The following CHRNA7 variants were observed in gnomAD, a reference collection of about 807,000 sequenced individuals.
The protein encoded by CHRNA7 is cholinergic receptor nicotinic alpha 7 subunit.
In CHRNA7, 17 loss-of-function variants were observed where a neutral mutation model predicts 48.0. That is an observed-to-expected ratio of 0.35 (90% CI 0.24 to 0.53). CHRNA7 has a LOEUF of 0.53. CHRNA7 is among the 20% of genes least tolerant of loss of function. The pLI is 0.92. For missense variants in CHRNA7, 155 were observed against 577.7 expected (o/e 0.27, Z 7.50); for synonymous variants, 75 against 242.3 (o/e 0.31, Z 6.41).
chr15:32,141,702 T>C (rs1488280792), intron 4 of CHRNA7, among the ~76,000 whole-genome samples: 2 of 152,164 alleles, frequency 1.3e-5, no homozygotes, highest in Non-Finnish European at 2.9e-5. Flanking sequence ...TGGGAGTTCA[T>C]TCATGATTTG....
intron 4 of CHRNA7, among the ~76,000 whole-genome samples, chr15:32,142,013 T>C (rs2051389315): frequency 6.6e-6 from 1 of 152,200 alleles, no homozygotes; most frequent in Non-Finnish European, 1.5e-5. Flanking sequence ...TCAAAGGGAA[T>C]GATTCCAGTT....
intron 2 of CHRNA7, among the ~76,000 whole-genome samples, chr15:32,067,125 G>A (rs1304775843): frequency 6.6e-6 from 1 of 152,172 alleles, no homozygotes; most frequent in Non-Finnish European, 1.5e-5. Context: ...AAGCCAAAGG[G>A]AGTAAAAGCT....
At chr15:32,079,602 C>T (rs1395197066) in intron 2 of CHRNA7, among the ~76,000 whole-genome samples, 6 of 152,048 alleles carry the variant, frequency 3.9e-5, no homozygotes. Context: ...AGTGAAGGAC[C>T]TCTTCAAGGA....
intron 4 of CHRNA7, among the ~76,000 whole-genome samples, chr15:32,148,649 C>T (rs111607411): frequency 8.4e-4 from 128 of 152,332 alleles, no homozygotes; most frequent in African/African-American, 2.7e-3. Context: ...CTGCCATTGA[C>T]GTCTGAAAGC....
intron 2 of CHRNA7, among the ~76,000 whole-genome samples, chr15:32,071,652 T>G (rs2141219248): frequency 6.6e-6 from 1 of 152,236 alleles, no homozygotes; most frequent in African/African-American, 2.4e-5. Context: ...AAGAGCTGGT[T>G]GTTCAAAAGA....
chr15:32,112,770 A>G (rs933763481), intron 4 of CHRNA7, among the ~76,000 whole-genome samples: 4 of 152,218 alleles, frequency 2.6e-5, no homozygotes, highest in African/African-American at 9.7e-5. Flanking sequence ...CTGGACAAGC[A>G]ATGTGTTGTC....
rs202232041 is a variant in CHRNA7 at position 32,031,035 on chromosome 15, G to C, written c.193G>C (p.Val65Leu). ...FSLSLLQIMDVDEKNQVLTTN... is the reference protein window; with the variant it reads ...FSLSLLQIMDLDEKNQVLTTN... ...CCTGAGCCTCCTGCAGATCATGGAC[G>C]TGGTGAGTCCCGCCTGGCTACAGGG... The change falls in exon 2 of 10, where the codon GTG (valine) becomes CTG (leucine). Residue 65 changes from valine to leucine, a missense_variant and splice_region_variant. Val to Leu is a conservative substitution (Grantham distance 32). Transcript: ENST00000306901. The C allele has an allele frequency of 2.5e-6, 4 of 1,614,162 alleles. No homozygotes were observed. The highest frequency in any genetic ancestry group is 3.4e-6 in the Non-Finnish European group (4 of 1,179,998).
intron 2 of CHRNA7, among the ~76,000 whole-genome samples, chr15:32,091,739 C>G (rs910386246): frequency 1.3e-5 from 2 of 152,190 alleles, no homozygotes. Context: ...GTGAATAACA[C>G]TGGCCACTGG....
At chr15:32,073,677 G>T (rs941071321) in intron 2 of CHRNA7, among the ~76,000 whole-genome samples, 3 of 152,112 alleles carry the variant, frequency 2.0e-5, no homozygotes, top group Non-Finnish European at 2.9e-5. Context: ...TGAATGGCTT[G>T]CTGCTCTCCC....
In CHRNA7 at chr15:32,059,944, C is replaced by CAAAAAAAAAAAAAAAAAA. The variant is rs34200550; in HGVS notation, c.195+28920_195+28937dup. Among the ~76,000 whole-genome samples the CAAAAAAAAAAAAAAAAAA allele has an allele frequency of 2.1e-4, 7 of 33,052 alleles. 2 individuals carry two copies. The highest frequency in any genetic ancestry group is 2.5e-4 in the African/African-American group (2 of 8,102). 21.7% of individuals were successfully genotyped at this position (33,052 alleles called of 152,430 possible). ...ATCTCTGAAACGCCAAGTAGAAAAGCAAAAAAAAAAAAAAAAAAAAAAAAA... is the reference window on the plus strand; with the variant it reads ...ATCTCTGAAACGCCAAGTAGAAAAGCAAAAAAAAAAAAAAAAAAAAAAAAAAAAAAAAAAAAAAAAAAA... On this transcript the variant is annotated intron_variant, in intron 2 of 9. Transcript: ENST00000306901.
chr15:32,148,576 A>G (rs1014421542), intron 4 of CHRNA7, among the ~76,000 whole-genome samples: 3 of 152,178 alleles, frequency 2.0e-5, no homozygotes, highest in Non-Finnish European at 4.4e-5. Context: ...GGAGGAAGGA[A>G]AGGTGTGATC....
At chr15:32,038,671 T>C (rs1426679053) in intron 2 of CHRNA7, among the ~76,000 whole-genome samples, 3 of 152,206 alleles carry the variant, frequency 2.0e-5, no homozygotes, top group African/African-American at 7.2e-5. Flanking sequence ...AACGTGCTAA[T>C]ATTTTGTTGA....
chr15:32,030,579 A>T lies in CHRNA7; in HGVS notation c.-16A>T, dbSNP rs758789244. ...GACGTGGAGCGCGCCGGCTCGCTGC[A>T]GCTCCGGGACTCAACATGCGCTGCT... On this transcript the variant is annotated 5_prime_UTR_variant, in exon 1 of 10. Coordinates refer to ENST00000306901, the MANE Select transcript of CHRNA7 (RefSeq NM_000746.6). 1.3e-6 allele frequency: 2 copies of T among 1,504,620 alleles called. No homozygotes were observed. Among genetic ancestry groups the T allele is most frequent in the Non-Finnish European group, 1.8e-6 (2 of 1,134,234 alleles). 93.2% of individuals were successfully genotyped at this position (1,504,620 alleles called of 1,614,324 possible). A position where few individuals can be genotyped will look rare whatever the true frequency, so the allele number is the denominator to read the frequency against.
Position 32,149,224 on chromosome 15 carries a change from A to G in CHRNA7, c.351-4683A>G, listed in dbSNP as rs963479017. Among the ~76,000 whole-genome samples the G allele has an allele frequency of 2.0e-5, 3 of 152,262 alleles. No individual in the cohort carries two copies. The highest frequency in any genetic ancestry group is 2.9e-5 in the Non-Finnish European group (2 of 68,046). On this transcript the variant is annotated intron_variant, in intron 4 of 9. Transcript: ENST00000306901. The surrounding 1 kb of genome is among the most constrained non-coding windows in gnomAD (Gnocchi z 4.6). The stretch of plus-strand genomic sequence containing the variant: ...ATTTTCAGACTATTTAATACAGAAC[A>G]GTTTACACACAGAAGAGGAGTGAGG...
Position 32,030,537 on chromosome 15 carries a change from G to A in CHRNA7, c.-58G>A. The A allele has an allele frequency of 1.4e-6, 2 of 1,402,210 alleles. No homozygotes were observed. Among genetic ancestry groups the A allele is most frequent in the East Asian group, 3.1e-5 (1 of 32,494 alleles). 86.9% of individuals were successfully genotyped at this position (1,402,210 alleles called of 1,614,324 possible). ...GGTGCCTCTGTGGCCGCAGGCGCAG[G>A]CCCGGGCGACAGCCGAGACGTGGAG... On this transcript the variant is annotated 5_prime_UTR_variant, in exon 1 of 10. Coordinates refer to ENST00000306901, the MANE Select transcript of CHRNA7 (RefSeq NM_000746.6).
chr15:32,104,280 C>A (rs973090146), intron 3 of CHRNA7, among the ~76,000 whole-genome samples: 7 of 152,074 alleles, frequency 4.6e-5, no homozygotes, highest in African/African-American at 1.4e-4. Flanking sequence ...GTGCCCCCCC[C>A]TCAGGGCCTT....
intron 4 of CHRNA7, chr15:32,112,217 C>G (rs1356930386): frequency 4.0e-6 from 2 of 500,766 alleles, no homozygotes; most frequent in Non-Finnish European, 3.9e-6. Context: ...AAGGCAGTAC[C>G]TTTGTTCTCT....
At chr15:32,030,710 C>T in intron 1 of CHRNA7, 61 bp downstream of exon 1, 6 of 1,540,764 alleles carry the variant, frequency 3.9e-6, no homozygotes, top group Non-Finnish European at 4.4e-6. Flanking sequence ...ATCCCGGGCG[C>T]CTCTGTGCGC....
intron 2 of CHRNA7, among the ~76,000 whole-genome samples, chr15:32,062,688 C>T (rs1043305951): frequency 3.3e-5 from 5 of 152,094 alleles, no homozygotes; most frequent in South Asian, 2.1e-4. Context: ...ATTCTATGAC[C>T]CAGTTCGATT....
Sources: allele counts gnomAD v4.1 joint callset (sites outside exome capture counted in the v4.1 genomes callset), GRCh38; gene constraint gnomAD v4.1.1; non-coding constraint Gnocchi (gnomAD v3.1); transcripts MANE v1.5; gene names NCBI Gene and HGNC (gene_info 2026-07-23, HGNC 2026-07-21).